MALRD1: variants seen among roughly 807,000 people sequenced by gnomAD.
MALRD1 encodes MAM and LDL-receptor class A domain-containing protein 1.
MALRD1 carries 247 observed loss-of-function variants against 242.1 expected under a neutral mutation model. That is an observed-to-expected ratio of 1.02 (90% CI 0.92 to 1.13). The LOEUF is 1.13. Ranked by LOEUF, MALRD1 falls within the 50% of genes most tolerant of loss-of-function variation. MALRD1 has a pLI of 0.00. For missense variants in MALRD1, 2,989 were observed against 2,533.1 expected (o/e 1.18, Z -3.86); for synonymous variants, 995 against 866.6 (o/e 1.15, Z -2.60).
At chr10:19,455,433 A>G (rs1361305766) in intron 29 of MALRD1, among the ~76,000 whole-genome samples, 2 of 152,160 alleles carry the variant, frequency 1.3e-5, no homozygotes, top group East Asian at 3.9e-4. Flanking sequence ...CAGCAATAAG[A>G]CCACTAGGTG....
intron 21 of MALRD1, among the ~76,000 whole-genome samples, chr10:19,294,032 C>A (rs1564537216): frequency 6.6e-6 from 1 of 151,926 alleles, no homozygotes; most frequent in South Asian, 2.1e-4. Flanking sequence ...ACTTGCTGTA[C>A]AAGGTAAAGT....
At chr10:19,306,557 A>G (rs530146061) in intron 21 of MALRD1, among the ~76,000 whole-genome samples, 4 of 148,270 alleles carry the variant, frequency 2.7e-5, no homozygotes, top group African/African-American at 9.8e-5. Context: ...TATATATAGT[A>G]TGGTAGTATA....
At chr10:19,573,831 A>T (rs1295434484) in intron 33 of MALRD1, among the ~76,000 whole-genome samples, 1 of 152,142 alleles carries the variant, frequency 6.6e-6, no homozygotes, top group African/African-American at 2.4e-5. Context: ...ACAATAAATA[A>T]TGAGGTGCTA....
intron 38 of MALRD1, among the ~76,000 whole-genome samples, chr10:19,723,762 A>T (rs986681867): frequency 1.1e-4 from 16 of 151,648 alleles, no homozygotes; most frequent in Non-Finnish European, 1.9e-4. Context: ...AAATAAAAAA[A>T]TTTGAACTTT....
intron 18 of MALRD1, among the ~76,000 whole-genome samples, chr10:19,241,037 T>A (rs911804062): frequency 5.9e-5 from 9 of 152,074 alleles, no homozygotes; most frequent in Non-Finnish European, 1.3e-4. Flanking sequence ...TTTGTGCGTG[T>A]CTTTGTCTGG....
In MALRD1 at chr10:19,124,962, T is replaced by TTC. The variant is rs1837204584; in HGVS notation, c.943+293_943+294insCT. Reference sequence around the variant, plus strand: ...TTTTTTTTTTTTTTTTTTTTTTTTTTTGAGACAGAGTCTCAATCTGTCACC... The same window carrying TTC: ...TTTTTTTTTTTTTTTTTTTTTTTTTTTCTGAGACAGAGTCTCAATCTGTCACC... On this transcript the variant is annotated intron_variant, in intron 7 of 39. Coordinates refer to ENST00000454679, the MANE Select transcript of MALRD1 (RefSeq NM_001142308.3). Among the ~76,000 whole-genome samples, 3 of 137,572 alleles carry TTC rather than the reference T, an allele frequency of 2.2e-5. No individual in the cohort carries two copies. In the South Asian group the frequency reaches 7.5e-4, roughly 34 times the overall value. 90.3% of individuals were successfully genotyped at this position (137,572 alleles called of 152,430 possible).
At chr10:19,644,103 T>G (rs1447314785) in intron 36 of MALRD1, among the ~76,000 whole-genome samples, 2 of 152,212 alleles carry the variant, frequency 1.3e-5, no homozygotes, top group African/African-American at 4.8e-5. Context: ...TACCTAAAAC[T>G]TTCCAGTGTT....
chr10:19,622,042 A>C (rs760581224), intron 36 of MALRD1, among the ~76,000 whole-genome samples: 5 of 151,846 alleles, frequency 3.3e-5, no homozygotes, highest in Admixed American at 1.3e-4. Flanking sequence ...TATATTCCCT[A>C]TTCCTAAATT....
At chr10:19,514,823 A>G (rs1352883124) in intron 31 of MALRD1, among the ~76,000 whole-genome samples, 1 of 152,166 alleles carries the variant, frequency 6.6e-6, no homozygotes, top group African/African-American at 2.4e-5. Flanking sequence ...ATTTTCTACT[A>G]AAGGCAGACC....
chr10:19,373,203 C>CAAAAAAATAAAAAAATAAA (rs1845458873), intron 26 of MALRD1, among the ~76,000 whole-genome samples: 1 of 114,886 alleles, frequency 8.7e-6, no homozygotes, highest in African/African-American at 3.4e-5. Context: ...ACGCTAAATA[C>CAAAAAAATAAAAAAATAAA]AAAAAAAAAA....
At position 19,146,188 on chromosome 10, in the gene MALRD1, C is replaced by A; in HGVS notation, c.1412-10C>A. 8.1e-7 allele frequency: 1 copy of A among 1,231,532 alleles called. No homozygotes were observed. The highest frequency in any genetic ancestry group is 1.0e-6 in the Non-Finnish European group (1 of 987,848). The allele number at this position is 1,231,532 out of a possible 1,614,324, so 76.3% of individuals were successfully genotyped here. On this transcript the variant is annotated splice_polypyrimidine_tract_variant and intron_variant, in intron 10 of 39. Transcript: ENST00000454679. ...TTCTCCTCACCTGTTTTCTCTTCTA[C>A]GTGTAACAGCAAAGCATCTCACCTG... is the stretch of plus-strand genomic sequence containing the variant.
At chr10:19,603,375 G>T (rs1838457062) in intron 34 of MALRD1, among the ~76,000 whole-genome samples, 1 of 152,130 alleles carries the variant, frequency 6.6e-6, no homozygotes. Flanking sequence ...TTTGTATAAG[G>T]TGTAAGGAAG....
Position 19,230,958 on chromosome 10 carries a change from A to G in MALRD1, c.2991+21278A>G, listed in dbSNP as rs538706566. ...TAGCTCTGCCTACATAGAATTTCCC[A>G]TGAATAATTGGTTGTGGAGACTTTT... On this transcript the variant is annotated intron_variant, in intron 18 of 39. Transcript: ENST00000454679. Among the ~76,000 whole-genome samples, 20 of 152,274 alleles carry G rather than the reference A, an allele frequency of 1.3e-4. No homozygotes were observed. In the South Asian group the frequency reaches 3.9e-3, roughly 30 times the overall value.
At chr10:19,631,752 C>T (rs972673586) in intron 36 of MALRD1, among the ~76,000 whole-genome samples, 1 of 152,144 alleles carries the variant, frequency 6.6e-6, no homozygotes, top group Non-Finnish European at 1.5e-5. Flanking sequence ...AGTGATTGAG[C>T]TTTTCTTCAT....
chr10:19,133,934 C>T lies in MALRD1; in HGVS notation c.1189C>T (p.Leu397=). 1 of 1,227,108 alleles carries T rather than the reference C, an allele frequency of 8.1e-7. No individual in the cohort carries two copies. Among genetic ancestry groups the T allele is most frequent in the Non-Finnish European group, 1.0e-6 (1 of 984,320 alleles). 76.0% of individuals were successfully genotyped at this position (1,227,108 alleles called of 1,614,324 possible). ...AGCAGATGTGTTAATACCAGAAGAT[C>T]TGAAGACATTTAAGGTATGAAAGAA... is the stretch of plus-strand genomic sequence containing the variant. The part of the protein sequence containing the change: ...VKADVLIPED[L]KTFKIIFEGT... Residue 397 remains leucine (L), a synonymous_variant, in exon 9 of 40, where the codon CTG becomes TTG. Coordinates refer to ENST00000454679, the MANE Select transcript of MALRD1 (RefSeq NM_001142308.3).
intron 36 of MALRD1, among the ~76,000 whole-genome samples, chr10:19,643,245 A>G (rs1008036803): frequency 4.6e-5 from 7 of 152,122 alleles, no homozygotes; most frequent in African/African-American, 1.7e-4. Context: ...CAGCCTGGCC[A>G]ACATGGTGAA....
chr10:19,668,791 G>A (rs993093475), intron 36 of MALRD1, among the ~76,000 whole-genome samples: 4 of 151,622 alleles, frequency 2.6e-5, no homozygotes, highest in African/African-American at 7.3e-5. Context: ...AGAGTATAAA[G>A]GAAAGGAAAA....
chr10:19,287,353 A>T (rs1050597481), intron 21 of MALRD1, among the ~76,000 whole-genome samples: 5 of 152,100 alleles, frequency 3.3e-5, no homozygotes, highest in Non-Finnish European at 5.9e-5. Flanking sequence ...ATTAAGAGGA[A>T]TAAAACCTCT....
At chr10:19,529,392 G>T (rs1834238024) in intron 31 of MALRD1, among the ~76,000 whole-genome samples, 1 of 152,046 alleles carries the variant, frequency 6.6e-6, no homozygotes, top group African/African-American at 2.4e-5. Flanking sequence ...CAGAGGATTT[G>T]GCTTGGTAGT....
Sources: allele counts gnomAD v4.1 joint callset (sites outside exome capture counted in the v4.1 genomes callset), GRCh38; gene constraint gnomAD v4.1.1; transcripts MANE v1.5; gene names NCBI Gene and HGNC (gene_info 2026-07-23, HGNC 2026-07-21).